The following C5orf24 variants were observed in gnomAD, a reference collection of about 807,000 sequenced individuals.
The protein encoded by C5orf24 is UPF0461 protein C5orf24.
Under a neutral mutation model 9.8 loss-of-function variants are expected in C5orf24, and 4 were observed. That is an observed-to-expected ratio of 0.41 (90% confidence interval 0.20 to 0.93). C5orf24 has a LOEUF of 0.93. C5orf24 is among the 40% of genes least tolerant of loss of function. The probability of loss-of-function intolerance (pLI) is 0.33; values close to 1 mark genes in which losing one functional copy is unlikely to be tolerated. For missense variants in C5orf24, 170 were observed against 236.9 expected (o/e 0.72, Z 1.85); for synonymous variants, 73 against 81.3 (o/e 0.90, Z 0.55).
At chr5:134,848,607 G>A (rs1484090171) in intron 1 of C5orf24, among the ~76,000 whole-genome samples, 2 of 129,754 alleles carry the variant, frequency 1.5e-5, no homozygotes, top group East Asian at 2.3e-4. Context: ...GTTGCGGTAA[G>A]CCAAGATCGC....
At chr5:134,839,813 A>G in the C5orf24 span, among the ~76,000 whole-genome samples, 24 of 151,052 alleles carry the variant, frequency 1.6e-4, no homozygotes, top group African/African-American at 5.9e-4. Flanking sequence ...TCTGCCTCCT[A>G]AGTAGCTGGG....
upstream of C5orf24, among the ~76,000 whole-genome samples, chr5:134,842,405 G>T (rs190056336): frequency 1.3e-5 from 2 of 151,766 alleles, no homozygotes; most frequent in East Asian, 1.9e-4. Flanking sequence ...CAGGAGAATC[G>T]CTTGAACCCG....
At chr5:134,849,228 C>G (rs1756086033) in intron 1 of C5orf24, among the ~76,000 whole-genome samples, 1 of 151,986 alleles carries the variant, frequency 6.6e-6, no homozygotes, top group African/African-American at 2.4e-5. Context: ...GCACTCCAGC[C>G]TGGGCAACAG....
the C5orf24 span, among the ~76,000 whole-genome samples, chr5:134,838,531 A>G: frequency 6.6e-6 from 1 of 152,128 alleles, no homozygotes; most frequent in Non-Finnish European, 1.5e-5. Flanking sequence ...TTAGCCAGGC[A>G]TGTTGGCAGG....
chr5:134,845,424 C>A (rs1292769090), upstream of C5orf24, among the ~76,000 whole-genome samples: 2 of 152,144 alleles, frequency 1.3e-5, no homozygotes, highest in African/African-American at 4.8e-5. Flanking sequence ...GAAATGAATC[C>A]CTTCTAAGTG....
At chr5:134,848,640 A>AAC (rs1174814047) in intron 1 of C5orf24, among the ~76,000 whole-genome samples, 4 of 123,598 alleles carry the variant, frequency 3.2e-5, no homozygotes, top group East Asian at 2.4e-4. Context: ...CAGCCTGGGC[A>AAC]AGAGCAAAAC....
rs1419769807 is a variant in C5orf24, at chr5:134,858,376, A to C, written c.*2909A>C. On this transcript the variant is annotated 3_prime_UTR_variant, in exon 2 of 2. Transcript: ENST00000394976. ...TACTGCTATATAAACTAAAGACTAC[A>C]TTGTGCATATTTTGTTAACACTGTC... 6.0e-6 allele frequency: 1 copy of C among 167,036 alleles called. No homozygotes were observed. The highest frequency in any genetic ancestry group is 2.4e-5 in the African/African-American group (1 of 41,468). The allele number at this position is 167,036 out of a possible 1,614,324, so 10.3% of individuals were successfully genotyped here. A position where few individuals can be genotyped will look rare whatever the true frequency, so the allele number is the denominator to read the frequency against.
the C5orf24 span, among the ~76,000 whole-genome samples, chr5:134,840,278 G>T: frequency 7.4e-6 from 1 of 134,410 alleles, no homozygotes; most frequent in African/African-American, 2.9e-5. Context: ...CCCCACTACA[G>T]CCTGGCGACA....
At position 134,855,851 on chromosome 5, in the gene C5orf24, C is replaced by T. The variant is rs751884638; in HGVS notation, c.*384C>T. On this transcript the variant is annotated 3_prime_UTR_variant, in exon 2 of 2. Coordinates refer to ENST00000394976, the MANE Select transcript of C5orf24 (RefSeq NM_001135586.1). ...GCCTACAGTATAATAAAGACACTAA[C>T]GTATTTTTAACTGATGGAGCAAAAA... 1.1e-5 allele frequency: 11 copies of T among 1,026,116 alleles called. No individual in the cohort carries two copies. Among genetic ancestry groups the T allele is most frequent in the Non-Finnish European group, 1.3e-5 (11 of 848,090 alleles). The allele number at this position is 1,026,116 out of a possible 1,614,324, so 63.6% of individuals were successfully genotyped here.
chr5:134,842,089 A>G (rs1156806707), upstream of C5orf24, among the ~76,000 whole-genome samples: 2 of 152,224 alleles, frequency 1.3e-5, no homozygotes, highest in Non-Finnish European at 2.9e-5. Context: ...TCCTATATAA[A>G]AAATGAATTG....
rs1756360894 is a variant in C5orf24 at position 134,858,175 on chromosome 5, AGAAAGCC to A, written c.*2712_*2718del. 6.0e-6 allele frequency: 1 copy of A among 167,098 alleles called. No individual in the cohort carries two copies. The highest frequency in any genetic ancestry group is 2.4e-5 in the African/African-American group (1 of 41,456). The allele number at this position is 167,098 out of a possible 1,614,324, so 10.4% of individuals were successfully genotyped here. On this transcript the variant is annotated 3_prime_UTR_variant, in exon 2 of 2. Transcript: ENST00000394976. The stretch of plus-strand genomic sequence containing the variant: ...CAGTTGTAAATGGATAACATCATTT[AGAAAGCC>A]GAATTTACTGTTCATCTGAGCGGTT...
At chr5:134,837,440 T>C in the C5orf24 span, among the ~76,000 whole-genome samples, 1 of 152,174 alleles carries the variant, frequency 6.6e-6, no homozygotes, top group African/African-American at 2.4e-5. Flanking sequence ...GGCACTATTA[T>C]TATAATGGGT....
intron 1 of C5orf24, among the ~76,000 whole-genome samples, chr5:134,851,745 T>A (rs965921646): frequency 6.6e-6 from 1 of 152,166 alleles, no homozygotes; most frequent in Non-Finnish European, 1.5e-5. Flanking sequence ...TGTAAAATAA[T>A]ATTGTATGTT....
intron 1 of C5orf24, among the ~76,000 whole-genome samples, chr5:134,849,786 T>C (rs1026395893): frequency 2.0e-5 from 3 of 150,678 alleles, no homozygotes; most frequent in Admixed American, 1.3e-4. Context: ...GCCTTCCGAG[T>C]AGCTGGGATT....
At chr5:134,854,057 G>A (rs1756241080) in intron 1 of C5orf24, among the ~76,000 whole-genome samples, 2 of 152,316 alleles carry the variant, frequency 1.3e-5, no homozygotes, top group East Asian at 1.9e-4. Flanking sequence ...TCCAGCCTGG[G>A]TGACAGAGCA....
the C5orf24 span, among the ~76,000 whole-genome samples, chr5:134,840,070 A>G: frequency 6.6e-6 from 1 of 152,110 alleles, no homozygotes; most frequent in East Asian, 1.9e-4. Flanking sequence ...GAAACTTGGG[A>G]GGCCAAGGTG....
chr5:134,855,736 C>T lies in C5orf24; in HGVS notation c.*269C>T. 1.5e-6 allele frequency: 2 copies of T among 1,321,924 alleles called. No homozygotes were observed. The highest frequency in any genetic ancestry group is 1.5e-5 in the African/African-American group (1 of 66,332). The allele number at this position is 1,321,924 out of a possible 1,614,324, so 81.9% of individuals were successfully genotyped here. On this transcript the variant is annotated 3_prime_UTR_variant, in exon 2 of 2. Coordinates refer to ENST00000394976, the MANE Select transcript of C5orf24 (RefSeq NM_001135586.1). ...TTCCTTTAGAGTTATGGTCATGTCT[C>T]ATGTTTCATTACTACTTTGGGGCTG...
upstream of C5orf24, among the ~76,000 whole-genome samples, chr5:134,844,214 A>G (rs1755940515): frequency 1.3e-5 from 2 of 152,160 alleles, no homozygotes; most frequent in Non-Finnish European, 2.9e-5. Context: ...CCTTGCTTAG[A>G]AAAAAAACTT....
intron 1 of C5orf24, among the ~76,000 whole-genome samples, chr5:134,849,361 A>AT (rs1405545652): frequency 6.6e-6 from 1 of 152,220 alleles, no homozygotes; most frequent in Non-Finnish European, 1.5e-5. Context: ...TTATATAAAC[A>AT]TAAATATGCT....
Sources: gnomAD v4.1 joint callset for allele counts (sites outside exome capture counted in the v4.1 genomes callset) on GRCh38, gnomAD v4.1.1 for gene constraint, MANE v1.5 for transcripts, NCBI Gene and HGNC (gene_info 2026-07-23, HGNC 2026-07-21) for gene names.